Variants in GLIS3 observed in about 807,000 individuals in gnomAD.
GLIS3 encodes the protein GLIS family zinc finger 3.
GLIS3 carries 53 observed loss-of-function variants against 78.6 expected under a neutral mutation model. The ratio of observed to expected loss-of-function variants is 0.67; its 90% confidence interval spans 0.54 to 0.85. The LOEUF is 0.85. Ranked by LOEUF, GLIS3 falls within the 40% of genes least tolerant of loss-of-function variation. The probability of loss-of-function intolerance (pLI) is 0.00; values close to 1 mark genes in which losing one functional copy is unlikely to be tolerated. For missense variants in GLIS3, 1,703 were observed against 1,231.1 expected (o/e 1.38, Z -5.74); for synonymous variants, 684 against 509.9 (o/e 1.34, Z -4.60).
chr9:4,197,269 T>G (rs1006366618), intron 2 of GLIS3, among the ~76,000 whole-genome samples: 12 of 152,124 alleles, frequency 7.9e-5, no homozygotes, highest in Non-Finnish European at 1.5e-4. Context: ...AAGGGGGCCC[T>G]CTCCACTCCA....
the GLIS3 span, among the ~76,000 whole-genome samples, chr9:4,481,515 A>ACT: frequency 6.8e-6 from 1 of 147,474 alleles, no homozygotes; most frequent in Non-Finnish European, 1.5e-5. Context: ...TAAAAACATA[A>ACT]GTGTGTGTGT....
chr9:4,141,001 T>C (rs1304110339), intron 2 of GLIS3, among the ~76,000 whole-genome samples: 3 of 152,182 alleles, frequency 2.0e-5, no homozygotes, highest in Non-Finnish European at 4.4e-5. Context: ...GGTTTCATCA[T>C]GTTGGACAGG....
chr9:3,969,644 T>G (rs1002863168), intron 4 of GLIS3, among the ~76,000 whole-genome samples: 7 of 152,192 alleles, frequency 4.6e-5, no homozygotes, highest in Admixed American at 1.3e-4. Flanking sequence ...CTTTGATTCT[T>G]CTGGAGATCT....
At chr9:3,942,623 A>G (rs1052176137) in intron 4 of GLIS3, among the ~76,000 whole-genome samples, 2 of 152,224 alleles carry the variant, frequency 1.3e-5, no homozygotes, top group African/African-American at 4.8e-5. Flanking sequence ...TGATGCATGA[A>G]TTCAGCTGGG....
At chr9:3,875,439 T>TC (rs1821248894) in intron 8 of GLIS3, 2 of 152,282 alleles carry the variant, frequency 1.3e-5, no homozygotes. Flanking sequence ...GCCCATTTTT[T>TC]TTAGCATGTG....
intron 2 of GLIS3, among the ~76,000 whole-genome samples, chr9:4,250,292 A>T (rs1047783253): frequency 6.6e-6 from 1 of 151,902 alleles, no homozygotes; most frequent in Non-Finnish European, 1.5e-5. Context: ...TCAATTTCAG[A>T]ATTTGTTATT....
intron 4 of GLIS3, chr9:4,081,123 T>A (rs572213882): frequency 6.6e-6 from 1 of 152,366 alleles, no homozygotes; most frequent in African/African-American, 2.4e-5. Flanking sequence ...GAGCTTCATA[T>A]TCAGTGCAGG....
intron 2 of GLIS3, among the ~76,000 whole-genome samples, chr9:4,167,994 G>A (rs1482353252): frequency 2.6e-5 from 4 of 152,220 alleles, no homozygotes; most frequent in African/African-American, 4.8e-5. Flanking sequence ...GGAACCACAG[G>A]AGGAGCACCC....
chr9:4,413,514 C>A, the GLIS3 span, among the ~76,000 whole-genome samples: 1 of 152,158 alleles, frequency 6.6e-6, no homozygotes, highest in Non-Finnish European at 1.5e-5. Context: ...GCTGTGCAAG[C>A]TCCAGTTTCC....
intron 2 of GLIS3, among the ~76,000 whole-genome samples, chr9:4,264,751 C>T (rs1360897800): frequency 2.0e-5 from 3 of 152,116 alleles, no homozygotes. Flanking sequence ...TATTAACCCC[C>T]AAGAAATTAC....
chr9:4,479,441 A>T, the GLIS3 span, among the ~76,000 whole-genome samples: 1 of 152,252 alleles, frequency 6.6e-6, no homozygotes, highest in African/African-American at 2.4e-5. Flanking sequence ...ATTAGGGCTC[A>T]GGGCATTTAC....
At chr9:4,107,801 A>G (rs1328215545) in intron 4 of GLIS3, among the ~76,000 whole-genome samples, 1 of 152,074 alleles carries the variant, frequency 6.6e-6, no homozygotes, top group East Asian at 1.9e-4. Flanking sequence ...GCCAGAGACA[A>G]CAAACTGTTC....
At chr9:4,384,388 T>A in the GLIS3 span, among the ~76,000 whole-genome samples, 1 of 152,180 alleles carries the variant, frequency 6.6e-6, no homozygotes, top group Non-Finnish European at 1.5e-5. Flanking sequence ...TAAAAATTTA[T>A]TTTCTAAGTT....
chr9:4,177,170 C>T (rs1286873047), intron 2 of GLIS3, among the ~76,000 whole-genome samples: 1 of 113,114 alleles, frequency 8.8e-6, no homozygotes, highest in African/African-American at 3.6e-5. Context: ...CAAAACAAAA[C>T]AAAATCACCA....
At position 3,898,575 on chromosome 9, in the gene GLIS3, T is replaced by C. The variant is rs569309256; in HGVS notation, c.2128+116A>G. On this transcript the variant is annotated intron_variant, in intron 7 of 10. Coordinates refer to ENST00000381971, the MANE Select transcript of GLIS3 (RefSeq NM_001042413.2). The stretch of plus-strand genomic sequence containing the variant: ...TGGAGAGCAATTTGCAGCCCATTGA[T>C]AAAGAACAACACAGACGATCTTAGG... 1.3e-5 allele frequency: 16 copies of C among 1,227,140 alleles called. No individual in the cohort carries two copies. The East Asian group carries it at 3.3e-4, about 25-fold the overall frequency. 76.0% of individuals were successfully genotyped at this position (1,227,140 alleles called of 1,614,324 possible).
the GLIS3 span, among the ~76,000 whole-genome samples, chr9:4,458,671 C>T: frequency 6.6e-6 from 1 of 152,010 alleles, no homozygotes; most frequent in Non-Finnish European, 1.5e-5. Context: ...GTCTGTAGTC[C>T]CAGCTACTCG....
chr9:4,255,049 G>A (rs913416406), intron 2 of GLIS3, among the ~76,000 whole-genome samples: 1 of 151,972 alleles, frequency 6.6e-6, no homozygotes, highest in African/African-American at 2.4e-5. Context: ...TTAAAAAATA[G>A]GCTAAAGACC....
the GLIS3 span, among the ~76,000 whole-genome samples, chr9:4,391,485 G>C: frequency 1.3e-5 from 2 of 151,996 alleles, no homozygotes; most frequent in South Asian, 2.1e-4. Flanking sequence ...CACTCTGCCT[G>C]TGTCACCTGG....
At chr9:4,319,928 G>A (rs1355204843) in intron 2 of GLIS3, among the ~76,000 whole-genome samples, 1 of 152,014 alleles carries the variant, frequency 6.6e-6, no homozygotes, top group African/African-American at 2.4e-5. Context: ...ATGGCTCACA[G>A]ATTTGTTTTG....
Sources: allele counts gnomAD v4.1 joint callset (sites outside exome capture counted in the v4.1 genomes callset), GRCh38; gene constraint gnomAD v4.1.1; transcripts MANE v1.5; gene names NCBI Gene and HGNC (gene_info 2026-07-23, HGNC 2026-07-21).